PTPRD: variants seen among roughly 807,000 people sequenced by gnomAD.
The protein encoded by PTPRD is protein tyrosine phosphatase receptor type D.
A neutral mutation model predicts 214.5 loss-of-function variants in PTPRD; 34 were observed. That is an observed-to-expected ratio of 0.16 (90% CI 0.12 to 0.21). The LOEUF (loss-of-function observed/expected upper bound fraction) is 0.21. Ranked by LOEUF, PTPRD falls within the 10% of genes least tolerant of loss-of-function variation. The probability of loss-of-function intolerance (pLI) is 1.00; values close to 1 mark genes in which losing one functional copy is unlikely to be tolerated. For synonymous variants in PTPRD, 1,128 were observed against 845.7 expected (o/e 1.33, Z -5.79); for missense variants, 2,545 against 2,398.7 (o/e 1.06, Z -1.27).
At chr9:8,727,649 T>C (rs1048299742) in intron 12 of PTPRD, among the ~76,000 whole-genome samples, 7 of 150,368 alleles carry the variant, frequency 4.7e-5, no homozygotes, top group African/African-American at 1.7e-4. Context: ...GTTTTTTGTT[T>C]GTTTGTTTGT....
chr9:9,652,367 T>A (rs762983512), intron 7 of PTPRD, among the ~76,000 whole-genome samples: 3 of 152,204 alleles, frequency 2.0e-5, no homozygotes, highest in Non-Finnish European at 4.4e-5. Flanking sequence ...TTAATATATG[T>A]AATTATGTGT....
chr9:8,677,686 T>C (rs1379572050), intron 12 of PTPRD, among the ~76,000 whole-genome samples: 1 of 152,180 alleles, frequency 6.6e-6, no homozygotes, highest in Admixed American at 6.5e-5. Flanking sequence ...AAAAATGTGA[T>C]AGCCAGATTA....
chr9:8,381,254 G>A (rs1404330542), intron 37 of PTPRD, among the ~76,000 whole-genome samples: 1 of 152,116 alleles, frequency 6.6e-6, no homozygotes, highest in Non-Finnish European at 1.5e-5. Flanking sequence ...GTACCCTTTT[G>A]TCAATACCCA....
At position 9,444,864 on chromosome 9, in the gene PTPRD, TACA is replaced by T. The variant is rs1569568382; in HGVS notation, c.-236-47385_-236-47383del. On this transcript the variant is annotated intron_variant, in intron 8 of 45. Coordinates refer to ENST00000381196, the MANE Select transcript of PTPRD (RefSeq NM_002839.4). The stretch of plus-strand genomic sequence containing the variant: ...ACTATTAGATTTATCATTTAAAGAA[TACA>T]TGCCTACTTGCAAGTTAAATGTAAA... Among the ~76,000 whole-genome samples, 681 of 152,306 alleles carry T rather than the reference TACA, an allele frequency of 4.5e-3. 4 individuals are homozygous for T. Among genetic ancestry groups the T allele is most frequent in the African/African-American group, 0.015 (620 of 41,570 alleles).
intron 39 of PTPRD, among the ~76,000 whole-genome samples, chr9:8,345,597 G>T (rs1462678709): frequency 6.6e-6 from 1 of 152,022 alleles, no homozygotes; most frequent in Non-Finnish European, 1.5e-5. Flanking sequence ...CAAGGGTGGA[G>T]ATTGTGTCAT....
chr9:8,785,984 A>C (rs887998714), intron 11 of PTPRD, among the ~76,000 whole-genome samples: 2 of 152,146 alleles, frequency 1.3e-5, no homozygotes, highest in South Asian at 4.1e-4. Context: ...CAATTGCTAC[A>C]GATAGATAAC....
At chr9:8,860,438 T>G (rs1363507080) in intron 11 of PTPRD, 1 of 152,246 alleles carries the variant, frequency 6.6e-6, no homozygotes, top group African/African-American at 2.4e-5. Flanking sequence ...CAACCAAACA[T>G]CAAACATCTT....
chr9:10,521,343 C>T (rs889832268), intron 2 of PTPRD, among the ~76,000 whole-genome samples: 24 of 152,086 alleles, frequency 1.6e-4, no homozygotes, highest in South Asian at 1.4e-3. Context: ...TGGAATGTCA[C>T]GTTAAAGACT....
chr9:10,147,905 A>G (rs1162910593), intron 3 of PTPRD, among the ~76,000 whole-genome samples: 2 of 152,090 alleles, frequency 1.3e-5, no homozygotes, highest in Non-Finnish European at 2.9e-5. Flanking sequence ...ATAAAAACAT[A>G]AAAGCTATAT....
intron 4 of PTPRD, among the ~76,000 whole-genome samples, chr9:9,998,846 C>T (rs1018540123): frequency 6.6e-6 from 1 of 152,156 alleles, no homozygotes; most frequent in African/African-American, 2.4e-5. Context: ...CCTGATTCTC[C>T]ATGCTCATGC....
intron 7 of PTPRD, among the ~76,000 whole-genome samples, chr9:9,731,462 GTT>G (rs33989713): frequency 6.6e-6 from 1 of 151,358 alleles, no homozygotes; most frequent in African/African-American, 2.4e-5. Flanking sequence ...GAAATTTAAG[GTT>G]TTTTTTTAAT....
chr9:10,265,371 T>G (rs1034864822), intron 3 of PTPRD, among the ~76,000 whole-genome samples: 6 of 152,162 alleles, frequency 3.9e-5, no homozygotes, highest in African/African-American at 1.4e-4. Context: ...AGGCCCTCTA[T>G]GACAAACAAA....
chr9:8,899,807 G>T (rs2098651790), intron 11 of PTPRD, among the ~76,000 whole-genome samples: 1 of 152,136 alleles, frequency 6.6e-6, no homozygotes, highest in African/African-American at 2.4e-5. Context: ...CTTGGCAGTC[G>T]GCATGTTGCC....
In PTPRD at chr9:9,635,332, G is replaced by A. The variant is rs115710011; in HGVS notation, c.-286-60551C>T. Among the ~76,000 whole-genome samples the A allele has an allele frequency of 3.0e-3, 454 of 152,242 alleles. 6 individuals are homozygous for A. Among genetic ancestry groups the A allele is most frequent in the African/African-American group, 9.8e-3 (408 of 41,544 alleles). On this transcript the variant is annotated intron_variant, in intron 7 of 45. Transcript: ENST00000381196. ...AGAGTCTGCTAAATGATTAAATCCC[G>A]TATGTCCAACTTAGAAGCTTTTTGG...
chr9:8,948,533 ATATATATATTTATATATATT>A (rs1447434104), intron 11 of PTPRD, among the ~76,000 whole-genome samples: 3 of 37,038 alleles, frequency 8.1e-5, no homozygotes, highest in African/African-American at 1.4e-4. Flanking sequence ...ATATATATTT[ATATATATATTTATATATATT>A]TATATATATT....
chr9:9,707,427 A>T (rs1317023824), intron 7 of PTPRD, among the ~76,000 whole-genome samples: 1 of 152,220 alleles, frequency 6.6e-6, no homozygotes, highest in African/African-American at 2.4e-5. Context: ...AATAGAACTT[A>T]TAACAAAGTA....
chr9:9,682,491 A>G (rs1291213024), intron 7 of PTPRD, among the ~76,000 whole-genome samples: 2 of 151,722 alleles, frequency 1.3e-5, no homozygotes, highest in Non-Finnish European at 2.9e-5. Flanking sequence ...CCATTGTTTT[A>G]TTTATGGTAG....
intron 11 of PTPRD, among the ~76,000 whole-genome samples, chr9:8,909,573 A>T (rs1341646422): frequency 6.6e-6 from 1 of 152,206 alleles, no homozygotes; most frequent in East Asian, 1.9e-4. Context: ...CTTTCAACAA[A>T]CTAAGCAAAT....
intron 35 of PTPRD, among the ~76,000 whole-genome samples, chr9:8,405,090 C>G (rs1268844079): frequency 1.3e-5 from 2 of 152,178 alleles, no homozygotes; most frequent in East Asian, 1.9e-4. Context: ...TGGTCTTTCA[C>G]TGGCTTCAAT....
Sources: allele counts gnomAD v4.1 joint callset (sites outside exome capture counted in the v4.1 genomes callset), GRCh38; gene constraint gnomAD v4.1.1; transcripts MANE v1.5; gene names NCBI Gene and HGNC (gene_info 2026-07-23, HGNC 2026-07-21).